The following ANKHD1 variants were observed in gnomAD, a reference collection of about 807,000 sequenced individuals.
ANKHD1 encodes the protein ankyrin repeat and KH domain-containing protein 1.
ANKHD1 carries 31 observed loss-of-function variants against 230.5 expected under a neutral mutation model. That is an observed-to-expected ratio of 0.13 (90% confidence interval 0.10 to 0.18). The LOEUF (loss-of-function observed/expected upper bound fraction) is 0.18. ANKHD1 is among the 10% of genes least tolerant of loss of function. The probability of loss-of-function intolerance (pLI) is 1.00; values close to 1 mark genes in which losing one functional copy is unlikely to be tolerated. For synonymous variants in ANKHD1, 1,074 were observed against 1,117.6 expected (o/e 0.96, Z 0.78); for missense variants, 2,256 against 3,071.3 (o/e 0.73, Z 6.27).
chr5:140,507,904 G>A lies in ANKHD1; in HGVS notation c.3671G>A (p.Arg1224Gln), dbSNP rs774014309. Residue 1224 changes from arginine to glutamine, a missense_variant, in exon 20 of 34, where the codon CGG becomes CAG. Physicochemically the swap from Arg to Gln is conservative, Grantham distance 43. Transcript: ENST00000360839. The surrounding 1 kb of genome is among the most constrained non-coding windows in gnomAD (Gnocchi z 4.1). Reference protein sequence around the residue: ...SDINAQIETNRNTALTLACFQ... With the variant: ...SDINAQIETNQNTALTLACFQ... ...ATTAATGCCCAAATAGAGACCAATC[G>A]GAACACGGCTCTCACCCTGGCCTGT... is the stretch of plus-strand genomic sequence containing the variant. 6.2e-7 allele frequency: 1 copy of A among 1,614,034 alleles called. No individual in the cohort carries two copies. The highest frequency in any genetic ancestry group is 1.1e-5 in the South Asian group (1 of 91,080).
At chr5:140,475,279 A>G (rs1443468395) in intron 10 of ANKHD1, among the ~76,000 whole-genome samples, 7 of 152,202 alleles carry the variant, frequency 4.6e-5, no homozygotes, top group Non-Finnish European at 5.9e-5. Flanking sequence ...TGCAGCATGG[A>G]TCCACAGTTT....
chr5:140,489,376 G>C (rs972321598), intron 14 of ANKHD1, among the ~76,000 whole-genome samples: 2 of 152,104 alleles, frequency 1.3e-5, no homozygotes, highest in African/African-American at 4.8e-5. Context: ...TGTAGTCCCA[G>C]CTACTCAGGA....
chr5:140,468,273 A>C lies in ANKHD1; in HGVS notation c.1782+3497A>C, dbSNP rs35359623. On this transcript the variant is annotated intron_variant, in intron 10 of 33. Coordinates refer to ENST00000360839, the MANE Select transcript of ANKHD1 (RefSeq NM_017747.3). Reference sequence around the variant, plus strand: ...GGCAAGACTCCGTCTCAAAAAAAAAACAAAAAAAAACAAAAAAACAAAAAC... The same window carrying C: ...GGCAAGACTCCGTCTCAAAAAAAAACCAAAAAAAAACAAAAAAACAAAAAC... Among the ~76,000 whole-genome samples the C allele has an allele frequency of 1.9e-4, 28 of 150,396 alleles. No individual in the cohort carries two copies. The East Asian group carries it at 2.9e-3, about 16-fold the overall frequency.
chr5:140,497,459 G>A (rs1442418681), intron 15 of ANKHD1, among the ~76,000 whole-genome samples, 181 bp downstream of exon 15: 1 of 152,196 alleles, frequency 6.6e-6, no homozygotes, highest in African/African-American at 2.4e-5. Flanking sequence ...ACACAAAAGT[G>A]TGTTTTCCCC....
At chr5:140,508,800 A>G (rs1259949389) in intron 20 of ANKHD1, among the ~76,000 whole-genome samples, 1 of 139,302 alleles carries the variant, frequency 7.2e-6, no homozygotes, top group South Asian at 2.4e-4. Context: ...GAGAAAAGTC[A>G]TAAGATAATC....
chr5:140,517,929 A>G (rs1267736910), intron 24 of ANKHD1, among the ~76,000 whole-genome samples: 4 of 151,766 alleles, frequency 2.6e-5, no homozygotes, highest in African/African-American at 9.7e-5. Flanking sequence ...AAGGCAAGAA[A>G]TAACTAAAAT....
In ANKHD1 at chr5:140,526,420, T is replaced by C; in HGVS notation, c.4917T>C (p.Thr1639=). 6.2e-7 allele frequency: 1 copy of C among 1,610,694 alleles called. No homozygotes were observed. The highest frequency in any genetic ancestry group is 8.5e-7 in the Non-Finnish European group (1 of 1,178,582). Residue 1639 remains threonine, a synonymous_variant, in exon 26 of 34, where the codon ACT becomes ACC. Transcript: ENST00000360839. Reference sequence around the variant, plus strand: ...ATTCCCAAGAAGAAAAGACAAGTACTGCTACTTCCAAAACTCAGACACGGT... The same window carrying C: ...ATTCCCAAGAAGAAAAGACAAGTACCGCTACTTCCAAAACTCAGACACGGT... ...LLHSQEEKTS[T]ATSKTQTRLE...
At chr5:140,516,076 A>G (rs1353601199) in intron 24 of ANKHD1, among the ~76,000 whole-genome samples, 10 of 152,192 alleles carry the variant, frequency 6.6e-5, no homozygotes, top group African/African-American at 2.2e-4. Flanking sequence ...TATAACTAGA[A>G]TAACCAATAC....
At chr5:140,453,848 A>G (rs538720437) in intron 7 of ANKHD1, among the ~76,000 whole-genome samples, 2 of 152,228 alleles carry the variant, frequency 1.3e-5, no homozygotes, top group Admixed American at 6.5e-5. Flanking sequence ...GACAGGATCA[A>G]ATTCACACAT....
At chr5:140,481,645 T>C (rs1208958885) in intron 10 of ANKHD1, among the ~76,000 whole-genome samples, 1 of 152,060 alleles carries the variant, frequency 6.6e-6, no homozygotes, top group Non-Finnish European at 1.5e-5. Context: ...GGAGAGCACA[T>C]ATTTTAAATT....
intron 1 of ANKHD1, among the ~76,000 whole-genome samples, chr5:140,414,569 C>T (rs796404710): frequency 2.6e-5 from 4 of 152,274 alleles, no homozygotes; most frequent in Admixed American, 6.5e-5. Context: ...CAGTGGCTCA[C>T]GCCTGTAATC....
intron 14 of ANKHD1, 77 bp from the exon 15 acceptor site, chr5:140,496,443 C>CTTTTTTTTTTTTTTTTTTTTT: frequency 5.6e-6 from 4 of 718,956 alleles, no homozygotes; most frequent in East Asian, 5.6e-5. Flanking sequence ...GGCTGGTTTT[C>CTTTTTTTTTTTTTTTTTTTTT]TTTTTTTTTT....
intron 30 of ANKHD1, among the ~76,000 whole-genome samples, chr5:140,536,433 A>T (rs1396207837): frequency 6.6e-6 from 1 of 152,220 alleles, no homozygotes; most frequent in Non-Finnish European, 1.5e-5. Flanking sequence ...CAGATGAAGT[A>T]TGTGGAATTG....
chr5:140,456,118 A>G (rs1775166042), intron 7 of ANKHD1, among the ~76,000 whole-genome samples: 1 of 152,190 alleles, frequency 6.6e-6, no homozygotes, highest in Non-Finnish European at 1.5e-5. Flanking sequence ...CAATTGCTTC[A>G]AAGAGAATAA....
At chr5:140,538,553 T>C (rs1754175285) in intron 32 of ANKHD1, among the ~76,000 whole-genome samples, 1 of 152,238 alleles carries the variant, frequency 6.6e-6, no homozygotes. Context: ...ACTGATGCTT[T>C]CTTGTCTGCT....
chr5:140,491,125 TATATATATATACAC>T (rs1204609963), intron 14 of ANKHD1, among the ~76,000 whole-genome samples: 5 of 79,896 alleles, frequency 6.3e-5, no homozygotes, highest in Admixed American at 1.5e-4. Context: ...CACACATATA[TATATATATATACAC>T]ATATATATAT....
intron 1 of ANKHD1, among the ~76,000 whole-genome samples, chr5:140,417,505 G>A (rs1771490863): frequency 6.6e-6 from 1 of 151,824 alleles, no homozygotes; most frequent in South Asian, 2.1e-4. Context: ...CTTGAGTGTA[G>A]TGGCACGATC....
chr5:140,496,438 GTTTTCTTTTTTTTTTTTCTTTTCTT>G, intron 14 of ANKHD1, 57 bp from the exon 15 acceptor site: 1 of 1,159,168 alleles, frequency 8.6e-7, no homozygotes, highest in Non-Finnish European at 1.1e-6. Context: ...GGGGAGGCTG[GTTTTCTTTTTTTTTTTTCTTTTCTT>G]TTTTTTTTTT....
At chr5:140,454,774 T>C (rs1329364073) in intron 7 of ANKHD1, among the ~76,000 whole-genome samples, 1 of 152,080 alleles carries the variant, frequency 6.6e-6, no homozygotes, top group Non-Finnish European at 1.5e-5. Context: ...AGATCTAAAA[T>C]TGACACCCTA....
Sources: allele counts gnomAD v4.1 joint callset (sites outside exome capture counted in the v4.1 genomes callset), GRCh38; gene constraint gnomAD v4.1.1; non-coding constraint Gnocchi (gnomAD v3.1); transcripts MANE v1.5; gene names NCBI Gene and HGNC (gene_info 2026-07-23, HGNC 2026-07-21).